The following PTPN14 variants were observed in gnomAD, a reference collection of about 807,000 sequenced individuals.
The protein encoded by PTPN14 is protein tyrosine phosphatase non-receptor type 14, also known as tyrosine-protein phosphatase non-receptor type 14.
A neutral mutation model predicts 126.8 loss-of-function variants in PTPN14; 53 were observed. The ratio of observed to expected loss-of-function variants is 0.42; its 90% confidence interval spans 0.34 to 0.53. The LOEUF is 0.53. Among genes scored for constraint, PTPN14 ranks in the 20% least tolerant of loss-of-function variants. The pLI is 0.08. For missense variants in PTPN14, 1,257 were observed against 1,552.9 expected (o/e 0.81, Z 3.20); for synonymous variants, 630 against 599.3 (o/e 1.05, Z -0.75).
chr1:214,398,101 G>T, intron 7 of PTPN14, 100 bp from the exon 8 acceptor site: 1 of 895,374 alleles, frequency 1.1e-6, no homozygotes, highest in Non-Finnish European at 1.8e-6. Context: ...TCCATCCACA[G>T]ATGAATGGAT....
intron 1 of PTPN14, among the ~76,000 whole-genome samples, chr1:214,545,276 C>T (rs1655942259): frequency 6.6e-6 from 1 of 152,128 alleles, no homozygotes; most frequent in Non-Finnish European, 1.5e-5. Flanking sequence ...GTTTATTTGG[C>T]TCACAGTTCT....
intron 3 of PTPN14, among the ~76,000 whole-genome samples, chr1:214,424,737 T>G (rs1436955644): frequency 6.6e-6 from 1 of 152,142 alleles, no homozygotes; most frequent in African/African-American, 2.4e-5. Context: ...TTAGTACAGA[T>G]GCAGTTTTGC....
chr1:214,539,853 A>AC (rs1655794274), intron 1 of PTPN14, among the ~76,000 whole-genome samples: 1 of 135,054 alleles, frequency 7.4e-6, no homozygotes, highest in Non-Finnish European at 1.7e-5. Context: ...TGGCACTCAG[A>AC]AAACGTGCCT....
intron 10 of PTPN14, among the ~76,000 whole-genome samples, chr1:214,391,363 A>C (rs1000711778): frequency 3.9e-5 from 6 of 152,166 alleles, no homozygotes; most frequent in Non-Finnish European, 1.5e-5. Context: ...CATGGATTTT[A>C]AAAAATTGTA....
intron 2 of PTPN14, among the ~76,000 whole-genome samples, chr1:214,463,080 A>C (rs1348414850): frequency 6.6e-6 from 1 of 152,210 alleles, no homozygotes; most frequent in Non-Finnish European, 1.5e-5. Flanking sequence ...AGTAAGCTGA[A>C]CCCAAGACCA....
intron 8 of PTPN14, among the ~76,000 whole-genome samples, chr1:214,395,875 A>G (rs1658866924): frequency 1.3e-5 from 2 of 152,040 alleles, no homozygotes; most frequent in Admixed American, 6.6e-5. Flanking sequence ...TTTGAGACTC[A>G]GCTCTGGGAG....
At chr1:214,459,408 C>T (rs1233643763) in intron 2 of PTPN14, among the ~76,000 whole-genome samples, 6 of 151,794 alleles carry the variant, frequency 4.0e-5, no homozygotes, top group African/African-American at 7.3e-5. Flanking sequence ...CCGCCTCAGC[C>T]TCCCAAAGTG....
chr1:214,449,530 G>C (rs1660225161), intron 3 of PTPN14, among the ~76,000 whole-genome samples: 1 of 152,096 alleles, frequency 6.6e-6, no homozygotes, highest in Admixed American at 6.6e-5. Flanking sequence ...GCACTTAATG[G>C]CCGAGAGCCA....
At position 214,434,123 on chromosome 1, in the gene PTPN14, C is replaced by T. The variant is rs147170656; in HGVS notation, c.344+17682G>A. ...CTCCAGCCTGGGCAACAGAGTAAGA[C>T]CCTGTCTCAAGAAAAACCCAAAAAA... On this transcript the variant is annotated intron_variant, in intron 3 of 18. Transcript: ENST00000366956. 1.4e-3 allele frequency among the ~76,000 whole-genome samples: 210 copies of T among 152,026 alleles called. 1 individual carries two copies. Among genetic ancestry groups the T allele is most frequent in the African/African-American group, 5.0e-3 (207 of 41,464 alleles).
At chr1:214,405,725 CTAAA>C (rs1262649030) in intron 5 of PTPN14, among the ~76,000 whole-genome samples, 2 of 151,806 alleles carry the variant, frequency 1.3e-5, no homozygotes, top group African/African-American at 2.4e-5. Context: ...AATATGACAA[CTAAA>C]TAAACAGTTA....
intron 1 of PTPN14, among the ~76,000 whole-genome samples, chr1:214,520,737 T>C (rs536903587): frequency 3.4e-4 from 52 of 152,282 alleles, no homozygotes; most frequent in Admixed American, 7.8e-4. Flanking sequence ...CTCTGACTTG[T>C]TGAGTTTATT....
intron 3 of PTPN14, among the ~76,000 whole-genome samples, chr1:214,447,839 G>T (rs1425528926): frequency 6.6e-6 from 1 of 152,148 alleles, no homozygotes; most frequent in Non-Finnish European, 1.5e-5. Context: ...ATCTTTCAAA[G>T]TTTAAAATTT....
intron 2 of PTPN14, among the ~76,000 whole-genome samples, chr1:214,461,657 A>G (rs1660516763): frequency 6.6e-6 from 1 of 151,720 alleles, no homozygotes; most frequent in South Asian, 2.1e-4. Flanking sequence ...AAGATTAAAT[A>G]TATTTTGGCT....
At chr1:214,541,392 G>A (rs2102483204) in intron 1 of PTPN14, among the ~76,000 whole-genome samples, 1 of 152,302 alleles carries the variant, frequency 6.6e-6, no homozygotes, top group Admixed American at 6.5e-5. Flanking sequence ...AGGAAGTTAG[G>A]TGTGATCAAG....
intron 1 of PTPN14, among the ~76,000 whole-genome samples, chr1:214,516,661 T>A (rs1655109362): frequency 6.6e-6 from 1 of 152,188 alleles, no homozygotes; most frequent in Admixed American, 6.5e-5. Flanking sequence ...TTACCAGGAC[T>A]GTAAATATTT....
chr1:214,537,577 T>C (rs982424686), intron 1 of PTPN14, among the ~76,000 whole-genome samples: 1 of 152,220 alleles, frequency 6.6e-6, no homozygotes, highest in Non-Finnish European at 1.5e-5. Context: ...GATAATCCAC[T>C]GGACAAAGCA....
chr1:214,392,939 G>C (rs1658791688), intron 10 of PTPN14, among the ~76,000 whole-genome samples: 2 of 152,164 alleles, frequency 1.3e-5, no homozygotes, highest in African/African-American at 4.8e-5. Context: ...TTCTTCTCTT[G>C]CATTTATAAC....
At chr1:214,461,583 T>C (rs1365572778) in intron 2 of PTPN14, among the ~76,000 whole-genome samples, 1 of 151,584 alleles carries the variant, frequency 6.6e-6, no homozygotes, top group Non-Finnish European at 1.5e-5. Context: ...TGAGTCATGA[T>C]CGTACCAGTG....
At chr1:214,525,711 A>G (rs957174036) in intron 1 of PTPN14, among the ~76,000 whole-genome samples, 4 of 152,220 alleles carry the variant, frequency 2.6e-5, no homozygotes, top group African/African-American at 4.8e-5. Flanking sequence ...AACTAAGTCA[A>G]CAAAGACAAA....
Sources: allele counts gnomAD v4.1 joint callset (sites outside exome capture counted in the v4.1 genomes callset), GRCh38; gene constraint gnomAD v4.1.1; transcripts MANE v1.5; gene names NCBI Gene and HGNC (gene_info 2026-07-23, HGNC 2026-07-21).